Variants in CADM1 observed in about 807,000 individuals in gnomAD.
The protein encoded by CADM1 is TSLC-1.
Under a neutral mutation model 53.1 loss-of-function variants are expected in CADM1, and 15 were observed. That is an observed-to-expected ratio of 0.28 (90% confidence interval 0.19 to 0.44). The LOEUF (loss-of-function observed/expected upper bound fraction) is 0.44. Ranked by LOEUF, CADM1 falls within the 20% of genes least tolerant of loss-of-function variation. The pLI is 1.00. For missense variants in CADM1, 434 were observed against 611.3 expected (o/e 0.71, Z 3.06); for synonymous variants, 281 against 243.0 (o/e 1.16, Z -1.45).
At chr11:115,304,273 G>A (rs761315171) in intron 1 of CADM1, among the ~76,000 whole-genome samples, 2 of 151,966 alleles carry the variant, frequency 1.3e-5, no homozygotes, top group African/African-American at 2.4e-5. Context: ...CATCTTCACA[G>A]CTTCAGGACT....
intron 1 of CADM1, among the ~76,000 whole-genome samples, chr11:115,467,849 T>A (rs945827623): frequency 1.3e-5 from 2 of 152,214 alleles, no homozygotes; most frequent in African/African-American, 4.8e-5. Flanking sequence ...ACTTTAAAAA[T>A]TTTTTAAATC....
chr11:115,498,984 G>A (rs1426619472), intron 1 of CADM1, among the ~76,000 whole-genome samples: 1 of 151,808 alleles, frequency 6.6e-6, no homozygotes, highest in Non-Finnish European at 1.5e-5. Flanking sequence ...GGTTAAATAT[G>A]GTATTCTTCC....
chr11:115,418,253 A>T (rs1452513744), intron 1 of CADM1, among the ~76,000 whole-genome samples: 1 of 152,196 alleles, frequency 6.6e-6, no homozygotes, highest in Non-Finnish European at 1.5e-5. Flanking sequence ...AACTTCTTTA[A>T]TAGTATAGCC....
At chr11:115,380,637 G>C (rs1946552322) in intron 1 of CADM1, among the ~76,000 whole-genome samples, 1 of 152,152 alleles carries the variant, frequency 6.6e-6, no homozygotes, top group Non-Finnish European at 1.5e-5. Context: ...TAGGATATTA[G>C]CATTAAAAGA....
intron 1 of CADM1, among the ~76,000 whole-genome samples, chr11:115,315,662 T>C (rs1250954852): frequency 8.1e-6 from 1 of 122,896 alleles, no homozygotes; most frequent in Admixed American, 8.7e-5. Context: ...ATCACATATG[T>C]TTAGCCAAAA....
At chr11:115,493,292 A>AGT (rs1468960959) in intron 1 of CADM1, among the ~76,000 whole-genome samples, 1 of 151,912 alleles carries the variant, frequency 6.6e-6, no homozygotes, top group African/African-American at 2.4e-5. Context: ...AAAAAAAAAA[A>AGT]AAGAGGGGGA....
At chr11:115,268,969 C>T (rs1266375346) in intron 1 of CADM1, among the ~76,000 whole-genome samples, 5 of 152,114 alleles carry the variant, frequency 3.3e-5, no homozygotes, top group Non-Finnish European at 5.9e-5. Context: ...TGGTTGGCTA[C>T]GTGGCCCAGC....
rs1169158880 is a variant in CADM1, at chr11:115,330,569, G to T, written c.125-90149C>A. ...AGTTACATTAATGAGTTTGATGCGTGTCTTCAGTACCCAACATGTGCTAAG... is the reference window on the plus strand; with the variant it reads ...AGTTACATTAATGAGTTTGATGCGTTTCTTCAGTACCCAACATGTGCTAAG... On this transcript the variant is annotated intron_variant, in intron 1 of 11. Transcript: ENST00000331581. Among the ~76,000 whole-genome samples the T allele has an allele frequency of 6.6e-5, 10 of 152,230 alleles. No individual in the cohort carries two copies. The South Asian group carries it at 1.7e-3, about 25-fold the overall frequency.
intron 1 of CADM1, among the ~76,000 whole-genome samples, chr11:115,321,010 TAAC>T (rs1290562827): frequency 6.6e-6 from 1 of 152,194 alleles, no homozygotes; most frequent in African/African-American, 2.4e-5. Context: ...TTCATACTTT[TAAC>T]AACATTACAG....
intron 5 of CADM1, among the ~76,000 whole-genome samples, chr11:115,218,463 A>C (rs1157637613): frequency 6.6e-6 from 1 of 152,322 alleles, no homozygotes; most frequent in East Asian, 1.9e-4. Context: ...GGCAGACTGA[A>C]TGACTTTAAG....
chr11:115,404,057 T>TG (rs1947234068), intron 1 of CADM1, among the ~76,000 whole-genome samples: 1 of 150,758 alleles, frequency 6.6e-6, no homozygotes, highest in Non-Finnish European at 1.5e-5. Context: ...TGGGCACAGT[T>TG]GCTCACGCCT....
intron 1 of CADM1, among the ~76,000 whole-genome samples, chr11:115,317,006 T>C (rs773418691): frequency 6.6e-6 from 1 of 151,836 alleles, no homozygotes; most frequent in South Asian, 2.1e-4. Flanking sequence ...AAAAACAACA[T>C]CAAAACACCA....
Position 115,504,334 on chromosome 11 carries a change from GCGCCGCCGCCGC to G in CADM1, c.49_60del (p.Ala17_Ala20del), listed in dbSNP as rs763822269. ...AGAAGCCGGAGCCGGAGCCCGGGAGGCGCCGCCGCCGCCGCTGCCGCCGCACACTGGGATCCG... is the reference window on the plus strand; with the variant it reads ...AGAAGCCGGAGCCGGAGCCCGGGAGGCGCTGCCGCCGCACACTGGGATCCG... On this transcript the variant is annotated inframe_deletion, in exon 1 of 12. Coordinates refer to ENST00000331581, the MANE Select transcript of CADM1 (RefSeq NM_001301043.2). The G allele has an allele frequency of 3.2e-6, 5 of 1,550,560 alleles. No homozygotes were observed. The highest frequency in any genetic ancestry group is 1.2e-5 in the South Asian group (1 of 84,084).
intron 1 of CADM1, among the ~76,000 whole-genome samples, chr11:115,315,335 C>T (rs551360204): frequency 4.6e-5 from 7 of 152,176 alleles, no homozygotes; most frequent in African/African-American, 1.7e-4. Flanking sequence ...GGATGGGACA[C>T]GACACATTTT....
chr11:115,232,292 T>C (rs1269541163), intron 3 of CADM1, among the ~76,000 whole-genome samples: 1 of 152,248 alleles, frequency 6.6e-6, no homozygotes, highest in East Asian at 1.9e-4. Flanking sequence ...CACCATAAAA[T>C]GCACAGAAAA....
At chr11:115,200,677 T>A (rs1472074540) in intron 8 of CADM1, among the ~76,000 whole-genome samples, 1 of 152,192 alleles carries the variant, frequency 6.6e-6, no homozygotes, top group Non-Finnish European at 1.5e-5. Context: ...GTATTTTTAG[T>A]GGAGACGGGG....
At chr11:115,241,861 G>C (rs1591636099) in intron 1 of CADM1, among the ~76,000 whole-genome samples, 1 of 152,006 alleles carries the variant, frequency 6.6e-6, no homozygotes, top group East Asian at 1.9e-4. Context: ...AGAAACAAAG[G>C]TCAAAGATAA....
intron 1 of CADM1, among the ~76,000 whole-genome samples, chr11:115,308,716 T>TTTCC (rs879509821): frequency 9.9e-5 from 15 of 151,780 alleles, no homozygotes; most frequent in Non-Finnish European, 1.9e-4. Context: ...CTTTTACTTT[T>TTTCC]TTCCTTCCTT....
intron 5 of CADM1, among the ~76,000 whole-genome samples, chr11:115,227,254 G>A (rs951620247): frequency 4.1e-4 from 63 of 152,308 alleles, no homozygotes; most frequent in African/African-American, 1.3e-3. Flanking sequence ...CAGATGTGGA[G>A]CCTTATTCCT....
Sources: gnomAD v4.1 joint callset for allele counts (sites outside exome capture counted in the v4.1 genomes callset) on GRCh38, gnomAD v4.1.1 for gene constraint, MANE v1.5 for transcripts, NCBI Gene and HGNC (gene_info 2026-07-23, HGNC 2026-07-21) for gene names.